The following ASTN2 variants were observed in gnomAD, a reference collection of about 807,000 sequenced individuals.
ASTN2 encodes the protein astrotactin 2.
In ASTN2, 54 loss-of-function variants were observed where a neutral mutation model predicts 139.8. The observed-to-expected ratio is 0.39, with a 90% confidence interval of 0.31 to 0.48. The LOEUF (loss-of-function observed/expected upper bound fraction) is 0.48. Among genes scored for constraint, ASTN2 ranks in the 20% least tolerant of loss-of-function variants. The pLI is 0.95. For missense variants in ASTN2, 1,565 were observed against 1,725.1 expected (o/e 0.91, Z 1.64); for synonymous variants, 756 against 719.5 (o/e 1.05, Z -0.81).
chr9:116,850,552 T>A (rs1832571403), intron 11 of ASTN2, among the ~76,000 whole-genome samples: 1 of 152,224 alleles, frequency 6.6e-6, no homozygotes, highest in African/African-American at 2.4e-5. Context: ...CTTCCCTTTC[T>A]GAGTTGGCTT....
intron 22 of ASTN2, among the ~76,000 whole-genome samples, chr9:116,426,513 G>A (rs1319406702): frequency 2.6e-5 from 4 of 152,128 alleles, no homozygotes; most frequent in African/African-American, 9.7e-5. Flanking sequence ...TATCCTGAAT[G>A]TATTGTCTAC....
At chr9:116,459,167 T>A (rs1367502918) in intron 20 of ASTN2, among the ~76,000 whole-genome samples, 1 of 152,056 alleles carries the variant, frequency 6.6e-6, no homozygotes, top group Non-Finnish European at 1.5e-5. Context: ...GAATACTCTC[T>A]GTAACAAAAG....
intron 10 of ASTN2, among the ~76,000 whole-genome samples, chr9:116,902,449 A>T (rs570665784): frequency 6.6e-6 from 1 of 152,238 alleles, no homozygotes; most frequent in Non-Finnish European, 1.5e-5. Context: ...AAAGTAAAAA[A>T]TATACCATAT....
intron 19 of ASTN2, among the ~76,000 whole-genome samples, chr9:116,596,964 GT>G (rs1288664167): frequency 1.1e-4 from 16 of 152,140 alleles, no homozygotes; most frequent in African/African-American, 3.6e-4. Context: ...GGCTAGTGTT[GT>G]TACTGCTCTC....
chr9:117,208,365 C>T (rs1162645304), intron 3 of ASTN2, among the ~76,000 whole-genome samples: 2 of 150,688 alleles, frequency 1.3e-5, no homozygotes, highest in Non-Finnish European at 3.0e-5. Flanking sequence ...AGAAAGTAAA[C>T]ATATGAATCA....
chr9:117,382,361 A>T (rs539772734), intron 1 of ASTN2, among the ~76,000 whole-genome samples: 2 of 152,332 alleles, frequency 1.3e-5, no homozygotes, highest in South Asian at 4.1e-4. Flanking sequence ...CTGCAGAGAC[A>T]TTTATTTTGC....
intron 19 of ASTN2, among the ~76,000 whole-genome samples, chr9:116,504,605 C>A (rs574884632): frequency 1.3e-5 from 2 of 152,162 alleles, no homozygotes; most frequent in East Asian, 3.9e-4. Context: ...TTCAGAATAA[C>A]AGTGACAATT....
chr9:117,398,748 A>G (rs1342538458), intron 1 of ASTN2, among the ~76,000 whole-genome samples: 2 of 152,168 alleles, frequency 1.3e-5, no homozygotes, highest in African/African-American at 4.8e-5. Flanking sequence ...AATATCTCCG[A>G]ATTGCATTAA....
chr9:116,477,521 A>G (rs892852889), intron 20 of ASTN2, among the ~76,000 whole-genome samples: 18 of 151,920 alleles, frequency 1.2e-4, no homozygotes, highest in African/African-American at 4.3e-4. Flanking sequence ...GAATCAGATA[A>G]TAGGCAGAAA....
Position 116,491,249 on chromosome 9 carries a change from C to T in ASTN2, c.3356-3749G>A, listed in dbSNP as rs777293244. Among the ~76,000 whole-genome samples, 128 of 152,242 alleles carry T rather than the reference C, an allele frequency of 8.4e-4. No individual in the cohort carries two copies. The Middle Eastern group carries it at 0.01, about 12-fold the overall frequency. On this transcript the variant is annotated intron_variant, in intron 19 of 22. Transcript: ENST00000313400. ...CAACTGACATCTAGTACTTATTTTT[C>T]TTTTTTCCATTTAATCCTCACAGCA... is the stretch of plus-strand genomic sequence containing the variant.
intron 5 of ASTN2, among the ~76,000 whole-genome samples, chr9:117,083,657 T>C (rs1828486281): frequency 1.3e-5 from 2 of 152,164 alleles, no homozygotes; most frequent in Admixed American, 1.3e-4. Context: ...CAGTCTCTCA[T>C]TCTAAGGAAA....
chr9:117,049,998 G>A (rs1838869517), intron 5 of ASTN2, among the ~76,000 whole-genome samples: 1 of 151,996 alleles, frequency 6.6e-6, no homozygotes, highest in Non-Finnish European at 1.5e-5. Context: ...GGTGGTGGGG[G>A]GTTTCTGATT....
intron 1 of ASTN2, among the ~76,000 whole-genome samples, chr9:117,341,330 A>G (rs1288409068): frequency 1.3e-5 from 2 of 152,158 alleles, no homozygotes; most frequent in Non-Finnish European, 2.9e-5. Flanking sequence ...GATCTGCCAA[A>G]GCATTTTTAC....
chr9:116,539,738 G>A (rs2119342092), intron 19 of ASTN2, among the ~76,000 whole-genome samples: 1 of 152,312 alleles, frequency 6.6e-6, no homozygotes, highest in East Asian at 1.9e-4. Flanking sequence ...GTGGGATGGT[G>A]CAAGATTTCA....
At position 116,862,338 on chromosome 9, in the gene ASTN2, G is replaced by T. The variant is rs12347407; in HGVS notation, c.2040+1245C>A. Among the ~76,000 whole-genome samples the T allele has an allele frequency of 1.7e-4, 26 of 151,888 alleles. No individual in the cohort carries two copies. The East Asian group carries it at 1.7e-3, about 10-fold the overall frequency. On this transcript the variant is annotated intron_variant, in intron 11 of 22. Transcript: ENST00000313400. The stretch of plus-strand genomic sequence containing the variant: ...ATGGGTACTTCTGGGGTGTTGAGCC[G>T]AATCAACAGATTCCCTGGGTTCTCC...
chr9:117,158,206 A>G (rs1477410289), intron 3 of ASTN2, among the ~76,000 whole-genome samples: 2 of 152,074 alleles, frequency 1.3e-5, no homozygotes, highest in Admixed American at 6.6e-5. Flanking sequence ...CTATGCATTT[A>G]TTCAAATAAA....
chr9:117,395,413 G>A (rs113623824), intron 1 of ASTN2, among the ~76,000 whole-genome samples: 2,065 of 152,256 alleles, frequency 0.014, 43 homozygotes, highest in African/African-American at 0.047. Flanking sequence ...TTTATGGGGC[G>A]AGACATCCCC....
rs189179258 is a variant in ASTN2 at position 116,477,748 on chromosome 9, C to T, written c.3497+9611G>A. Among the ~76,000 whole-genome samples the T allele has an allele frequency of 6.1e-3, 920 of 149,926 alleles. 9 individuals carry two copies. The highest frequency in any genetic ancestry group is 9.2e-3 in the South Asian group (43 of 4,690). The stretch of plus-strand genomic sequence containing the variant: ...CAAAAAGACAGAGACAGGCCAGGCA[C>T]GGTGGCTCACGCCTGTAATCCCAGT... On this transcript the variant is annotated intron_variant, in intron 20 of 22. Coordinates refer to ENST00000313400, the MANE Select transcript of ASTN2 (RefSeq NM_001365068.1).
At chr9:116,860,631 C>T (rs1283243010) in intron 11 of ASTN2, among the ~76,000 whole-genome samples, 1 of 152,186 alleles carries the variant, frequency 6.6e-6, no homozygotes, top group African/African-American at 2.4e-5. Context: ...CATCTCAGCT[C>T]CCAGTGTGGG....
Sources: gnomAD v4.1 joint callset for allele counts (sites outside exome capture counted in the v4.1 genomes callset) on GRCh38, gnomAD v4.1.1 for gene constraint, MANE v1.5 for transcripts, NCBI Gene and HGNC (gene_info 2026-07-23, HGNC 2026-07-21) for gene names.